STRA6: variants seen among roughly 807,000 people sequenced by gnomAD.
The protein encoded by STRA6 is receptor for retinol uptake STRA6.
Under a neutral mutation model 83.6 loss-of-function variants are expected in STRA6, and 48 were observed. The observed-to-expected ratio is 0.57, with a 90% CI of 0.46 to 0.73. STRA6 has a LOEUF of 0.73. Among genes scored for constraint, STRA6 ranks in the 30% least tolerant of loss-of-function variants. STRA6 has a pLI of 0.00. For missense variants in STRA6, 760 were observed against 838.8 expected, an observed-to-expected ratio of 0.91 and a Z score of 1.16; for synonymous variants, 353 against 362.3, an observed-to-expected ratio of 0.97 and a Z score of 0.29.
Position 74,202,224 on chromosome 15 carries a change from G to T in STRA6, c.44C>A (p.Thr15Lys). The T allele has an allele frequency of 6.5e-7, 1 of 1,536,012 alleles. No individual in the cohort carries two copies. The highest frequency in any genetic ancestry group is 8.7e-7 in the Non-Finnish European group (1 of 1,147,030). ...PAGNQTSPGA[T>K]EDYSYGSWYI... is the part of the protein sequence containing the mutation. ...CCAGCTGCCATAGGAGTAGTCCTCT[G>T]TGGCCCCGGGGGAGGTCTGGTTCCC... The change falls in exon 2 of 19, where the codon ACA becomes AAA. Residue 15 changes from threonine to lysine, a missense_variant. Physicochemically the swap from Thr to Lys is moderately conservative, Grantham distance 78. Coordinates refer to ENST00000395105, the MANE Select transcript of STRA6 (RefSeq NM_022369.4).
chr15:74,209,102 C>A, upstream of STRA6: 1 of 1,308,100 alleles, frequency 7.6e-7, no homozygotes, highest in Non-Finnish European at 9.7e-7. Flanking sequence ...ACAGACCTCC[C>A]GCCCTTGATT....
chr15:74,211,716 T>G (rs1231880489), upstream of STRA6, among the ~76,000 whole-genome samples: 1 of 152,028 alleles, frequency 6.6e-6, no homozygotes, highest in East Asian at 1.9e-4. Context: ...TTTCTCTCTT[T>G]CTATCTGGTT....
At chr15:74,180,976 G>A in intron 17 of STRA6, 39 bp from the exon 18 acceptor site, 1 of 1,611,214 alleles carries the variant, frequency 6.2e-7, no homozygotes, top group Non-Finnish European at 8.5e-7. Context: ...GGGGGAGCAG[G>A]GGCCACACTG....
chr15:74,182,318 G>A, intron 15 of STRA6, 25 bp downstream of exon 15: 1 of 1,613,826 alleles, frequency 6.2e-7, no homozygotes, highest in Non-Finnish European at 8.5e-7. Flanking sequence ...GAGTCCCTGA[G>A]CCCTCCATGT....
Position 74,195,431 on chromosome 15 carries a change from G to A in STRA6, c.468C>T (p.Ala156=). ...WKILGLFYYA[A]LYYPLAACAT... is the part of the protein sequence containing the mutation. ...CACAGGCAGCCAGAGGGTAGTAGAGGGCAGCATAATAGAACAGTCCCAGTA... is the reference window on the plus strand; with the variant it reads ...CACAGGCAGCCAGAGGGTAGTAGAGAGCAGCATAATAGAACAGTCCCAGTA... Residue 156 remains alanine (A), a synonymous_variant, in exon 7 of 19, where the codon GCC becomes GCT. Coordinates refer to ENST00000395105, the MANE Select transcript of STRA6 (RefSeq NM_022369.4). The A allele has an allele frequency of 6.2e-7, 1 of 1,613,692 alleles. No homozygotes were observed. Among genetic ancestry groups the A allele is most frequent in the Non-Finnish European group, 8.5e-7 (1 of 1,179,974 alleles).
chr15:74,186,747 G>A (rs2073268087), intron 12 of STRA6, among the ~76,000 whole-genome samples: 1 of 152,168 alleles, frequency 6.6e-6, no homozygotes, highest in African/African-American at 2.4e-5. Context: ...CTCCAGCCTG[G>A]GCGACAGAGC....
In STRA6 at chr15:74,180,882, G is replaced by C. The variant is rs1382852755; in HGVS notation, c.1740C>G (p.Ala580=). Residue 580 remains alanine (A), a synonymous_variant, in exon 18 of 19, where the codon GCC becomes GCG. Coordinates refer to ENST00000395105, the MANE Select transcript of STRA6 (RefSeq NM_022369.4). ...LKIEVSQSHP[A]MTAFCSLLLQ... is the part of the protein sequence containing the mutation. ...GGAGCAGGGAGCAGAAGGCTGTCAT[G>C]GCTGGATGCGACTGGCTGACTTCAA... 1 of 1,614,136 alleles carries C rather than the reference G, an allele frequency of 6.2e-7. No individual in the cohort carries two copies.
At chr15:74,208,056 A>C in intron 1 of STRA6, 3 of 1,283,186 alleles carry the variant, frequency 2.3e-6, no homozygotes, top group East Asian at 3.8e-5. Context: ...TCATAACATA[A>C]AGGATTTAGA....
chr15:74,204,235 C>T (rs1024981978), upstream of STRA6, among the ~76,000 whole-genome samples: 7 of 152,232 alleles, frequency 4.6e-5, no homozygotes, highest in South Asian at 2.1e-4. Context: ...GCCTTCCAGG[C>T]GCGAGTGTGA....
chr15:74,184,545 C>G (rs1301927854), intron 13 of STRA6, among the ~76,000 whole-genome samples: 1 of 152,130 alleles, frequency 6.6e-6, no homozygotes, highest in Non-Finnish European at 1.5e-5. Flanking sequence ...CTCCAGTGTG[C>G]TATGCCACCA....
At chr15:74,208,588 A>T (rs2142116733) in intron 1 of STRA6, among the ~76,000 whole-genome samples, 1 of 152,086 alleles carries the variant, frequency 6.6e-6, no homozygotes, top group East Asian at 1.9e-4. Flanking sequence ...TGCCTTTTGG[A>T]GCTCCTGCTA....
chr15:74,181,015 C>A, intron 17 of STRA6, 78 bp from the exon 18 acceptor site: 1 of 1,581,996 alleles, frequency 6.3e-7, no homozygotes. Flanking sequence ...CTAACACACA[C>A]ACAGGGAGTG....
chr15:74,190,776 T>C, intron 11 of STRA6, 64 bp downstream of exon 11: 2 of 1,612,660 alleles, frequency 1.2e-6, no homozygotes, highest in Non-Finnish European at 8.5e-7. Context: ...CCGGAACTGC[T>C]CCAGGCTTGG....
At chr15:74,203,153 C>T (rs2074162885), upstream of STRA6, 1 of 985,544 alleles carries the variant, frequency 1.0e-6, no homozygotes, top group Non-Finnish European at 1.2e-6. Context: ...GGGAATCTGT[C>T]CGTTTCTTCT....
chr15:74,186,813 G>A (rs1403636461), intron 12 of STRA6, among the ~76,000 whole-genome samples: 6 of 152,184 alleles, frequency 3.9e-5, no homozygotes, highest in Non-Finnish European at 7.3e-5. Flanking sequence ...CACTCAAAGA[G>A]GCTGGGCCCC....
upstream of STRA6, among the ~76,000 whole-genome samples, chr15:74,206,731 G>T (rs1400828130): frequency 6.6e-6 from 1 of 152,234 alleles, no homozygotes; most frequent in East Asian, 1.9e-4. Flanking sequence ...GGAAGATCTG[G>T]AATGGTAACA....
chr15:74,180,999 C>T (rs2072952497), intron 17 of STRA6, 62 bp from the exon 18 acceptor site: 1 of 1,600,198 alleles, frequency 6.2e-7, no homozygotes, highest in Non-Finnish European at 8.5e-7. Context: ...GGCATCCAGA[C>T]ATCCCCTAAC....
intron 2 of STRA6, among the ~76,000 whole-genome samples, chr15:74,201,403 G>C (rs2074056448): frequency 6.6e-6 from 1 of 152,108 alleles, no homozygotes; most frequent in South Asian, 2.1e-4. Flanking sequence ...ACTGGCTCTG[G>C]GTCCTACACA....
rs770577933 is a variant in STRA6 at position 74,182,209 on chromosome 15, T to C, written c.1472A>G (p.His491Arg). 3 of 1,614,132 alleles carry C rather than the reference T, an allele frequency of 1.9e-6. No individual in the cohort carries two copies. In the East Asian group the frequency reaches 6.7e-5, roughly 36 times the overall value. Residue 491 changes from histidine (H) to arginine (R), a missense_variant, in exon 16 of 19, where the codon CAT (histidine) becomes CGT (arginine). Physicochemically the swap from His to Arg is conservative, Grantham distance 29. Transcript: ENST00000395105. ...ATCATGAGTCTCCAGGAAGACCCAA[T>C]GGGCTGCCATGTTCTGCAGGATCAC... ...LAVILQNMAAHWVFLETHDGH... is the reference protein window; with the variant it reads ...LAVILQNMAARWVFLETHDGH...
Sources: gnomAD v4.1 joint callset for allele counts (sites outside exome capture counted in the v4.1 genomes callset) on GRCh38, gnomAD v4.1.1 for gene constraint, MANE v1.5 for transcripts, NCBI Gene and HGNC (gene_info 2026-07-23, HGNC 2026-07-21) for gene names.